The following NTN1 variants were observed in gnomAD, a reference collection of about 807,000 sequenced individuals.
The protein encoded by NTN1 is netrin-1.
NTN1 carries 11 observed loss-of-function variants against 54.2 expected under a neutral mutation model. That is an observed-to-expected ratio of 0.20 (90% CI 0.13 to 0.34). The LOEUF (loss-of-function observed/expected upper bound fraction) is 0.34, where lower values mean the gene tolerates loss of function less well. NTN1 is among the 10% of genes least tolerant of loss of function. The probability of loss-of-function intolerance (pLI) is 1.00; values close to 1 mark genes in which losing one functional copy is unlikely to be tolerated. For synonymous variants in NTN1, 371 were observed against 382.0 expected (o/e 0.97, Z 0.33); for missense variants, 740 against 893.1 (o/e 0.83, Z 2.18).
At chr17:9,016,739 C>T (rs1360289191), upstream of NTN1, among the ~76,000 whole-genome samples, 2 of 152,138 alleles carry the variant, frequency 1.3e-5, no homozygotes, top group African/African-American at 2.4e-5. Context: ...ATATCAGCCA[C>T]CCACTCCCCT....
At chr17:9,064,468 C>T (rs765552369) in intron 2 of NTN1, among the ~76,000 whole-genome samples, 1 of 152,180 alleles carries the variant, frequency 6.6e-6, no homozygotes, top group African/African-American at 2.4e-5. Flanking sequence ...CTCATGGGCA[C>T]CTCAAGCTGC....
chr17:9,072,568 G>T (rs1022419371), intron 2 of NTN1, among the ~76,000 whole-genome samples: 1 of 152,172 alleles, frequency 6.6e-6, no homozygotes, highest in African/African-American at 2.4e-5. Flanking sequence ...GTAGCTTTGC[G>T]TGCCCGCCTC....
At chr17:9,187,066 C>G (rs971815718) in intron 5 of NTN1, among the ~76,000 whole-genome samples, 1 of 152,062 alleles carries the variant, frequency 6.6e-6, no homozygotes, top group Admixed American at 6.5e-5. Context: ...ATGGGATGAT[C>G]TCAGTAAAGC....
intron 5 of NTN1, among the ~76,000 whole-genome samples, chr17:9,188,607 G>A (rs1904354931): frequency 6.6e-6 from 1 of 152,118 alleles, no homozygotes; most frequent in South Asian, 2.1e-4. Flanking sequence ...TGGGGGACAT[G>A]CTTGTCTTCC....
chr17:9,154,645 G>A (rs1052951227), intron 2 of NTN1, among the ~76,000 whole-genome samples: 2 of 152,120 alleles, frequency 1.3e-5, no homozygotes, highest in South Asian at 4.1e-4. Flanking sequence ...TGAAAAGGGG[G>A]CTCAGAAAAA....
chr17:9,055,337 A>C (rs1457871251), intron 2 of NTN1, among the ~76,000 whole-genome samples: 1 of 152,206 alleles, frequency 6.6e-6, no homozygotes, highest in Non-Finnish European at 1.5e-5. Flanking sequence ...ACCACTGGAC[A>C]ATGCTGTCCA....
At chr17:9,084,800 C>T (rs71371884) in intron 2 of NTN1, among the ~76,000 whole-genome samples, 10,923 of 151,802 alleles carry the variant, frequency 0.072, 562 homozygotes, top group Non-Finnish European at 0.11. Context: ...TATAGGCACC[C>T]GCCACCATGC....
At chr17:9,046,022 G>C (rs1027927775) in intron 2 of NTN1, among the ~76,000 whole-genome samples, 1 of 152,110 alleles carries the variant, frequency 6.6e-6, no homozygotes, top group East Asian at 1.9e-4. Context: ...CAAATTCTTA[G>C]GTGGAATCAA....
Position 9,112,564 on chromosome 17 carries a change from GC to G in NTN1, c.1019-50247del, listed in dbSNP as rs553189389. 2.5e-3 allele frequency among the ~76,000 whole-genome samples: 340 copies of G among 138,696 alleles called. 1 individual carries two copies. The highest frequency in any genetic ancestry group is 4.5e-3 in the Non-Finnish European group (285 of 63,536). 91.0% of individuals were successfully genotyped at this position (138,696 alleles called of 152,430 possible). A position where few individuals can be genotyped will look rare whatever the true frequency, so the allele number is the denominator to read the frequency against. ...GTTTAAAATGCACCCCACCCCTCAT[GC>G]CTGTAATCCCAGCACTTTGGGAGGC... On this transcript the variant is annotated intron_variant, in intron 2 of 6. Transcript: ENST00000173229.
intron 2 of NTN1, among the ~76,000 whole-genome samples, chr17:9,049,965 G>T (rs185408345): frequency 6.6e-6 from 1 of 151,976 alleles, no homozygotes; most frequent in Non-Finnish European, 1.5e-5. Context: ...AATAAATGTC[G>T]GCCAGGCGCA....
In NTN1 at chr17:9,240,816, C is replaced by T. The variant is rs1212982461; in HGVS notation, c.*848C>T. 2 of 152,302 alleles carry T rather than the reference C, an allele frequency of 1.3e-5. No homozygotes were observed. Among genetic ancestry groups the T allele is most frequent in the Non-Finnish European group, 2.9e-5 (2 of 68,104 alleles). 9.4% of individuals were successfully genotyped at this position (152,302 alleles called of 1,614,324 possible). Reference sequence around the variant, plus strand: ...AGGGACACCCCTGAGAAGCCCAAGCCGGGTGGTCACCGCCTCATGCTGGAG... The same window carrying T: ...AGGGACACCCCTGAGAAGCCCAAGCTGGGTGGTCACCGCCTCATGCTGGAG... On this transcript the variant is annotated 3_prime_UTR_variant, in exon 7 of 7. Coordinates refer to ENST00000173229, the MANE Select transcript of NTN1 (RefSeq NM_004822.3).
At chr17:9,044,624 G>T (rs1290493810) in intron 2 of NTN1, among the ~76,000 whole-genome samples, 1 of 152,090 alleles carries the variant, frequency 6.6e-6, no homozygotes, top group Admixed American at 6.6e-5. Context: ...TGTTCCGCAG[G>T]AATTGAAGAG....
intron 5 of NTN1, among the ~76,000 whole-genome samples, chr17:9,184,154 C>G (rs990956677): frequency 2.0e-5 from 3 of 152,172 alleles, no homozygotes; most frequent in Non-Finnish European, 4.4e-5. Context: ...TGAGGGAAGA[C>G]AGATTCGGCA....
At chr17:9,047,861 A>T (rs1960116747) in intron 2 of NTN1, among the ~76,000 whole-genome samples, 1 of 151,918 alleles carries the variant, frequency 6.6e-6, no homozygotes, top group South Asian at 2.1e-4. Flanking sequence ...CGCCTGGCTA[A>T]TTTTTTGTAT....
At chr17:9,162,761 C>G (rs2092360934) in intron 2 of NTN1, 52 bp from the exon 3 acceptor site, 1 of 1,538,876 alleles carries the variant, frequency 6.5e-7, no homozygotes, top group Non-Finnish European at 8.8e-7. Context: ...TCTTGGGTGC[C>G]TGTCCTCCCC....
At chr17:9,201,288 T>C (rs924237145) in intron 5 of NTN1, among the ~76,000 whole-genome samples, 3 of 152,214 alleles carry the variant, frequency 2.0e-5, no homozygotes, top group Non-Finnish European at 4.4e-5. Context: ...GAAATCTCTG[T>C]GCTCTCCTCC....
At chr17:9,216,304 CTCTT>C (rs1905215924) in intron 5 of NTN1, among the ~76,000 whole-genome samples, 1 of 152,208 alleles carries the variant, frequency 6.6e-6, no homozygotes, top group South Asian at 2.1e-4. Context: ...CTTTTTCCAA[CTCTT>C]TCTTTTATGC....
At chr17:9,237,540 A>T (rs1906031607) in intron 6 of NTN1, among the ~76,000 whole-genome samples, 1 of 152,230 alleles carries the variant, frequency 6.6e-6, no homozygotes, top group Non-Finnish European at 1.5e-5. Context: ...GCCTGGGATC[A>T]AAGCTGAGCT....
In NTN1 at chr17:9,226,155, T is replaced by TGGGG. The variant is rs1567744743; in HGVS notation, c.1486+4913_1486+4914insGGGG. Among the ~76,000 whole-genome samples, 11 of 132,052 alleles carry TGGGG rather than the reference T, an allele frequency of 8.3e-5. No homozygotes were observed. The South Asian group carries it at 1.4e-3, about 17-fold the overall frequency. The allele number at this position is 132,052 out of a possible 152,430, so 86.6% of individuals were successfully genotyped here. ...AGGGCACGAAGCAAGGCAAAGGGAT[T>TGGGG]TGGGGTCGGGGGGGGGCCTCAGTGC... On this transcript the variant is annotated intron_variant, in intron 6 of 6. Coordinates refer to ENST00000173229, the MANE Select transcript of NTN1 (RefSeq NM_004822.3).
Sources: allele counts gnomAD v4.1 joint callset (sites outside exome capture counted in the v4.1 genomes callset), GRCh38; gene constraint gnomAD v4.1.1; transcripts MANE v1.5; gene names NCBI Gene and HGNC (gene_info 2026-07-23, HGNC 2026-07-21).